The following DGLUCY variants were observed in gnomAD, a reference collection of about 807,000 sequenced individuals.
DGLUCY encodes D-glutamate cyclase, mitochondrial.
DGLUCY carries 58 observed loss-of-function variants against 58.5 expected under a neutral mutation model. The ratio of observed to expected loss-of-function variants is 0.99; its 90% CI spans 0.80 to 1.23. The LOEUF (loss-of-function observed/expected upper bound fraction) is 1.23, where lower values mean the gene tolerates loss of function less well. Among genes scored for constraint, DGLUCY ranks in the 50% most tolerant of loss-of-function variants. DGLUCY has a pLI of 0.00. For missense variants in DGLUCY, 779 were observed against 784.7 expected (o/e 0.99, Z 0.09); for synonymous variants, 325 against 314.1 (o/e 1.03, Z -0.37).
At chr14:91,108,485 ATT>A (rs34462216) in intron 1 of DGLUCY, among the ~76,000 whole-genome samples, 2 of 61,972 alleles carry the variant, frequency 3.2e-5, no homozygotes, top group Non-Finnish European at 6.5e-5. Context: ...CCCTTGAAGA[ATT>A]TGTGTGTGTG....
At chr14:91,221,007 G>A (rs531839091) in intron 13 of DGLUCY, among the ~76,000 whole-genome samples, 154 of 152,340 alleles carry the variant, frequency 1.0e-3, no homozygotes, top group African/African-American at 3.4e-3. Context: ...CCCAGTACTT[G>A]GGGAAGAGGA....
At chr14:91,125,177 C>T (rs2045598618) in intron 1 of DGLUCY, among the ~76,000 whole-genome samples, 1 of 152,176 alleles carries the variant, frequency 6.6e-6, no homozygotes, top group African/African-American at 2.4e-5. Flanking sequence ...TCTATATACT[C>T]ATGGGGCACA....
chr14:91,077,303 AAGCG>A (rs1871647029), intron 1 of DGLUCY, among the ~76,000 whole-genome samples: 1 of 150,500 alleles, frequency 6.6e-6, no homozygotes. Flanking sequence ...GGAAAGAAGA[AAGCG>A]AGGGAGGAAG....
At chr14:91,170,999 C>T (rs117265353) in intron 5 of DGLUCY, among the ~76,000 whole-genome samples, 4,237 of 152,284 alleles carry the variant, frequency 0.028, 75 homozygotes, top group South Asian at 0.038. Context: ...TCTGTGCTGC[C>T]TTCATGGGTG....
intron 9 of DGLUCY, among the ~76,000 whole-genome samples, chr14:91,195,052 C>T (rs1393043828): frequency 5.9e-5 from 9 of 152,066 alleles, no homozygotes; most frequent in South Asian, 2.1e-4. Flanking sequence ...GCTGGCTCTA[C>T]GTGAGGGGTG....
chr14:91,142,462 C>T (rs2046755209), intron 1 of DGLUCY, among the ~76,000 whole-genome samples: 1 of 152,114 alleles, frequency 6.6e-6, no homozygotes, highest in South Asian at 2.1e-4. Flanking sequence ...TGGGCTTTCC[C>T]TCCTTCTTTG....
intron 1 of DGLUCY, among the ~76,000 whole-genome samples, chr14:91,121,554 T>A (rs2045358051): frequency 6.6e-6 from 1 of 151,338 alleles, no homozygotes; most frequent in South Asian, 2.1e-4. Context: ...CCAGATGTGG[T>A]GGCGATCGCG....
intron 5 of DGLUCY, 79 bp from the exon 6 acceptor site, chr14:91,173,210 C>CTCT: frequency 6.6e-7 from 1 of 1,518,354 alleles, no homozygotes; most frequent in Non-Finnish European, 9.1e-7. Context: ...CTGCCTTGAA[C>CTCT]TCTTGGTGCT....
intron 1 of DGLUCY, among the ~76,000 whole-genome samples, chr14:91,101,919 C>T (rs2044492937): frequency 6.6e-6 from 1 of 152,148 alleles, no homozygotes; most frequent in Admixed American, 6.5e-5. Context: ...TCTGAAACTC[C>T]TGGGCTCAAG....
intron 1 of DGLUCY, among the ~76,000 whole-genome samples, chr14:91,152,701 G>A (rs1036150615): frequency 6.6e-6 from 1 of 152,204 alleles, no homozygotes; most frequent in Non-Finnish European, 1.5e-5. Context: ...GACAAGGTCT[G>A]CACACCTACT....
intron 1 of DGLUCY, among the ~76,000 whole-genome samples, chr14:91,146,508 A>C (rs1201638590): frequency 6.6e-6 from 1 of 152,024 alleles, no homozygotes; most frequent in African/African-American, 2.4e-5. Flanking sequence ...TTTCCCGAAA[A>C]CATCTCATAT....
chr14:91,191,818 G>C (rs2049915013), intron 9 of DGLUCY, among the ~76,000 whole-genome samples: 1 of 152,148 alleles, frequency 6.6e-6, no homozygotes, highest in African/African-American at 2.4e-5. Flanking sequence ...TTTTTGTCCT[G>C]GTAACTGAAA....
chr14:91,063,271 C>G (rs1196812956), intron 1 of DGLUCY, among the ~76,000 whole-genome samples: 2 of 150,040 alleles, frequency 1.3e-5, no homozygotes, highest in African/African-American at 4.9e-5. Context: ...TTTTTCTTAC[C>G]TCCTTTGCAG....
Position 91,181,334 on chromosome 14 carries a change from A to T in DGLUCY, c.879A>T (p.Ser293=). 2 of 1,614,188 alleles carry T rather than the reference A, an allele frequency of 1.2e-6. No homozygotes were observed. Among genetic ancestry groups the T allele is most frequent in the Non-Finnish European group, 1.7e-6 (2 of 1,180,038 alleles). The part of the protein sequence containing the change: ...SQDPLHYSIA[S]VSASQKIREL... Reference sequence around the variant, plus strand: ...ATCCTCTGCACTACAGCATCGCGTCAGTCTCTGCTTCTCAGAAGATCAGAG... The same window carrying T: ...ATCCTCTGCACTACAGCATCGCGTCTGTCTCTGCTTCTCAGAAGATCAGAG... The change falls in exon 8 of 14, where the codon TCA becomes TCT. Residue 293 remains serine, a synonymous_variant. Coordinates refer to ENST00000256324, the MANE Select transcript of DGLUCY (RefSeq NM_001102368.3).
intron 1 of DGLUCY, among the ~76,000 whole-genome samples, chr14:91,142,509 A>C (rs1240520425): frequency 6.6e-6 from 1 of 152,112 alleles, no homozygotes; most frequent in African/African-American, 2.4e-5. Context: ...AATAAGATGC[A>C]AAGATTTCTT....
intron 11 of DGLUCY, among the ~76,000 whole-genome samples, chr14:91,203,039 T>C (rs2050670144): frequency 6.6e-6 from 1 of 152,222 alleles, no homozygotes; most frequent in East Asian, 1.9e-4. Context: ...TGGGTTTAAG[T>C]CTCCACCTTC....
chr14:91,174,592 C>T lies in DGLUCY; in HGVS notation c.607+1153C>T, dbSNP rs1402893592. On this transcript the variant is annotated intron_variant, in intron 6 of 13. Coordinates refer to ENST00000256324, the MANE Select transcript of DGLUCY (RefSeq NM_001102368.3). ...AAGTGCTGGGATTACAGGTATGAGC[C>T]ACCGCACCCGGTCTGCAATATTTTT... Among the ~76,000 whole-genome samples the T allele has an allele frequency of 1.7e-4, 26 of 152,290 alleles. No individual in the cohort carries two copies. The East Asian group carries it at 4.8e-3, about 28-fold the overall frequency.
At chr14:91,090,530 T>C (rs938608088) in intron 1 of DGLUCY, among the ~76,000 whole-genome samples, 2 of 152,112 alleles carry the variant, frequency 1.3e-5, no homozygotes, top group Non-Finnish European at 2.9e-5. Flanking sequence ...TGGGCAGCGT[T>C]TGGTCATGAA....
chr14:91,091,505 A>T (rs1387146506), intron 1 of DGLUCY, among the ~76,000 whole-genome samples: 2 of 152,144 alleles, frequency 1.3e-5, no homozygotes, highest in Non-Finnish European at 2.9e-5. Flanking sequence ...CTGGGCGACA[A>T]AAATAAATAA....
Sources: allele counts gnomAD v4.1 joint callset (sites outside exome capture counted in the v4.1 genomes callset), GRCh38; gene constraint gnomAD v4.1.1; transcripts MANE v1.5; gene names NCBI Gene and HGNC (gene_info 2026-07-23, HGNC 2026-07-21).